ITGB5: variants seen among roughly 807,000 people sequenced by gnomAD.
The protein encoded by ITGB5 is integrin subunit beta 5, also known as integrin beta-5.
ITGB5 carries 38 observed loss-of-function variants against 84.8 expected under a neutral mutation model. The ratio of observed to expected loss-of-function variants is 0.45; its 90% CI spans 0.35 to 0.59. ITGB5 has a LOEUF of 0.59. ITGB5 is among the 20% of genes least tolerant of loss of function. The probability of loss-of-function intolerance (pLI) is 0.01; values close to 1 mark genes in which losing one functional copy is unlikely to be tolerated. For synonymous variants in ITGB5, 393 were observed against 414.4 expected, an observed-to-expected ratio of 0.95 and a Z score of 0.63; for missense variants, 905 against 1,034.5, an observed-to-expected ratio of 0.87 and a Z score of 1.72.
At chr3:124,890,642 C>T (rs981632678), upstream of ITGB5, among the ~76,000 whole-genome samples, 1 of 152,106 alleles carries the variant, frequency 6.6e-6, no homozygotes, top group African/African-American at 2.4e-5. Context: ...CCGTCACTTA[C>T]CTAAACTGCA....
intron 1 of ITGB5, among the ~76,000 whole-genome samples, chr3:124,901,009 A>T (rs1935204967): frequency 6.6e-6 from 1 of 152,232 alleles, no homozygotes; most frequent in South Asian, 2.1e-4. Flanking sequence ...ACAGCGTAAC[A>T]TTCATTTCTC....
intron 3 of ITGB5, among the ~76,000 whole-genome samples, chr3:124,851,713 A>G (rs2065158986): frequency 6.6e-6 from 1 of 152,032 alleles, no homozygotes; most frequent in Non-Finnish European, 1.5e-5. Context: ...CCAGAAAGAG[A>G]GGGATGTAAG....
At chr3:124,813,862 G>A (rs2064543268) in intron 8 of ITGB5, among the ~76,000 whole-genome samples, 1 of 152,106 alleles carries the variant, frequency 6.6e-6, no homozygotes, top group Non-Finnish European at 1.5e-5. Flanking sequence ...CTCCCCAGAG[G>A]TCATGGAGTG....
intron 3 of ITGB5, among the ~76,000 whole-genome samples, chr3:124,856,018 G>A (rs1326917079): frequency 6.6e-6 from 1 of 151,848 alleles, no homozygotes; most frequent in Non-Finnish European, 1.5e-5. Flanking sequence ...ATCTAGACTG[G>A]AGCCTCAAAC....
intron 11 of ITGB5, among the ~76,000 whole-genome samples, chr3:124,771,736 G>A (rs1420000544): frequency 8.6e-6 from 1 of 115,654 alleles, no homozygotes; most frequent in African/African-American, 4.0e-5. Context: ...TGGCGGGAGT[G>A]AGACCCTGTC....
At chr3:124,861,787 C>T (rs1042867457) in intron 2 of ITGB5, among the ~76,000 whole-genome samples, 3 of 152,168 alleles carry the variant, frequency 2.0e-5, no homozygotes, top group Admixed American at 6.5e-5. Context: ...GCCTCGATCT[C>T]CTGACCTTAT....
At chr3:124,899,111 A>AAAAG (rs1935170878) in intron 1 of ITGB5, among the ~76,000 whole-genome samples, 1 of 152,018 alleles carries the variant, frequency 6.6e-6, no homozygotes, top group Admixed American at 6.6e-5. Flanking sequence ...AAAAGAAGAA[A>AAAAG]AAAGAAAGAA....
intron 9 of ITGB5, among the ~76,000 whole-genome samples, chr3:124,808,300 G>T (rs989685553): frequency 5.3e-5 from 8 of 152,134 alleles, no homozygotes; most frequent in African/African-American, 1.9e-4. Context: ...CTGAGCACTG[G>T]ACCTGTCAAC....
chr3:124,829,226 T>G (rs1466174992), intron 5 of ITGB5, among the ~76,000 whole-genome samples: 1 of 152,252 alleles, frequency 6.6e-6, no homozygotes, highest in East Asian at 1.9e-4. Flanking sequence ...TATAAATAGT[T>G]TTTAAAAGAA....
chr3:124,865,487 T>C (rs954345074), intron 2 of ITGB5, among the ~76,000 whole-genome samples: 5 of 135,372 alleles, frequency 3.7e-5, no homozygotes, highest in East Asian at 2.1e-4. Flanking sequence ...TTTTCTTTTT[T>C]TTTTTTTTTT....
At chr3:124,783,214 C>T (rs754075612) in intron 10 of ITGB5, among the ~76,000 whole-genome samples, 9 of 146,882 alleles carry the variant, frequency 6.1e-5, no homozygotes, top group African/African-American at 1.3e-4. Flanking sequence ...TTGCTTGAAC[C>T]AGGCAGGCGG....
At chr3:124,832,860 A>G (rs1454641042) in intron 5 of ITGB5, 1 of 152,330 alleles carries the variant, frequency 6.6e-6, no homozygotes, top group Admixed American at 6.5e-5. Context: ...AGGAATGAGG[A>G]AGGAAAGGGG....
At position 124,798,055 on chromosome 3, in the gene ITGB5, C is replaced by CTTTTTTTTTTTT. The variant is rs60292129; in HGVS notation, c.1264-1250_1264-1239dup. Among the ~76,000 whole-genome samples the CTTTTTTTTTTTT allele has an allele frequency of 8.6e-3, 894 of 103,530 alleles. 173 individuals carry two copies. Among genetic ancestry groups the CTTTTTTTTTTTT allele is most frequent in the African/African-American group, 0.029 (718 of 24,944 alleles). 67.9% of individuals were successfully genotyped at this position (103,530 alleles called of 152,430 possible). A position where few individuals can be genotyped will look rare whatever the true frequency, so the allele number is the denominator to read the frequency against. The stretch of plus-strand genomic sequence containing the variant: ...TTCTATTCTTTCGGCTAGAATAAAG[C>CTTTTTTTTTTTT]TTTTTTTTTTTTTTTTGAGGTGGAG... On this transcript the variant is annotated intron_variant, in intron 9 of 14. Coordinates refer to ENST00000296181, the MANE Select transcript of ITGB5 (RefSeq NM_002213.5).
At chr3:124,872,456 A>G (rs1021247748) in intron 2 of ITGB5, among the ~76,000 whole-genome samples, 2 of 152,164 alleles carry the variant, frequency 1.3e-5, no homozygotes, top group African/African-American at 4.8e-5. Context: ...GAGTCCCCAC[A>G]TGATCATTTT....
intron 10 of ITGB5, among the ~76,000 whole-genome samples, chr3:124,795,543 C>T (rs189383478): frequency 1.1e-3 from 162 of 151,762 alleles, no homozygotes; most frequent in African/African-American, 3.9e-3. Flanking sequence ...CCAGAGATGT[C>T]CACATCCTAA....
At chr3:124,794,495 G>T (rs1226337359) in intron 10 of ITGB5, among the ~76,000 whole-genome samples, 1 of 152,148 alleles carries the variant, frequency 6.6e-6, no homozygotes. Context: ...AGAACGAAAA[G>T]GTGGGCTGGG....
At chr3:124,847,940 C>A (rs1311773569) in intron 4 of ITGB5, among the ~76,000 whole-genome samples, 1 of 152,136 alleles carries the variant, frequency 6.6e-6, no homozygotes, top group African/African-American at 2.4e-5. Flanking sequence ...TCTCCCAAAG[C>A]ACCTCAGTTA....
At position 124,763,064 on chromosome 3, in the gene ITGB5, TGCAAA is replaced by T. The variant is rs1216364881; in HGVS notation, c.*554_*558del. 1.3e-5 allele frequency: 2 copies of T among 152,348 alleles called. No homozygotes were observed. The highest frequency in any genetic ancestry group is 2.9e-5 in the Non-Finnish European group (2 of 68,122). The allele number at this position is 152,348 out of a possible 1,614,324, so 9.4% of individuals were successfully genotyped here. Reference sequence around the variant, plus strand: ...ACGGACAGGAGAGGAAACTGACATTTGCAAACGATGTACCTTCAACAGGCATCTCA... The same window carrying T: ...ACGGACAGGAGAGGAAACTGACATTTCGATGTACCTTCAACAGGCATCTCA... On this transcript the variant is annotated 3_prime_UTR_variant, in exon 15 of 15. Coordinates refer to ENST00000296181, the MANE Select transcript of ITGB5 (RefSeq NM_002213.5).
intron 10 of ITGB5, among the ~76,000 whole-genome samples, chr3:124,775,314 G>C (rs2063909742): frequency 6.6e-6 from 1 of 151,902 alleles, no homozygotes; most frequent in Admixed American, 6.6e-5. Context: ...GTGTGTACAA[G>C]TGTGAGTGTA....
Sources: gnomAD v4.1 joint callset for allele counts (sites outside exome capture counted in the v4.1 genomes callset) on GRCh38, gnomAD v4.1.1 for gene constraint, MANE v1.5 for transcripts, NCBI Gene and HGNC (gene_info 2026-07-23, HGNC 2026-07-21) for gene names.